The following RGS21 variants were observed in gnomAD, a reference collection of about 807,000 sequenced individuals.
RGS21 encodes regulator of G-protein signalling 21.
Under a neutral mutation model 18.7 loss-of-function variants are expected in RGS21, and 19 were observed. The observed-to-expected ratio is 1.01, with a 90% confidence interval of 0.71 to 1.49. The LOEUF (loss-of-function observed/expected upper bound fraction) is 1.49. Ranked by LOEUF, RGS21 falls within the 40% of genes most tolerant of loss-of-function variation. RGS21 has a pLI of 0.00. For missense variants in RGS21, 194 were observed against 176.8 expected, an observed-to-expected ratio of 1.10 and a Z score of -0.55; for synonymous variants, 56 against 57.8, an observed-to-expected ratio of 0.97 and a Z score of 0.14.
intron 4 of RGS21, among the ~76,000 whole-genome samples, chr1:192,354,921 C>T: frequency 6.6e-6 from 1 of 151,642 alleles, no homozygotes; most frequent in East Asian, 1.9e-4. Flanking sequence ...TAAATTATCC[C>T]TGACTATAAA....
At chr1:192,332,460 T>A (rs908620875) in intron 1 of RGS21, among the ~76,000 whole-genome samples, 1 of 152,184 alleles carries the variant, frequency 6.6e-6, no homozygotes, top group African/African-American at 2.4e-5. Flanking sequence ...ACTTAAAAAA[T>A]TAGTTTTAAA....
At chr1:192,349,586 A>G (rs534027375) in intron 3 of RGS21, among the ~76,000 whole-genome samples, 126 of 152,292 alleles carry the variant, frequency 8.3e-4, no homozygotes, top group Non-Finnish European at 1.4e-3. Flanking sequence ...TATGTAGCAT[A>G]TTACTTTAAA....
At chr1:192,328,669 C>A (rs1296837916) in intron 1 of RGS21, among the ~76,000 whole-genome samples, 1 of 152,090 alleles carries the variant, frequency 6.6e-6, no homozygotes, top group Non-Finnish European at 1.5e-5. Flanking sequence ...TATCAAAATA[C>A]ACATTCTGCT....
Position 192,352,150 on chromosome 1 carries a change from C to CAAA in RGS21, c.194_196dup (p.Lys65dup). The CAAA allele has an allele frequency of 6.2e-7, 1 of 1,611,212 alleles. No individual in the cohort carries two copies. The highest frequency in any genetic ancestry group is 8.5e-7 in the Non-Finnish European group (1 of 1,178,640). On this transcript the variant is annotated inframe_insertion, in exon 4 of 5. Coordinates refer to ENST00000417209, the MANE Select transcript of RGS21 (RefSeq NM_001039152.3). ...ACTTTAAGAAAACGAAAAATGCAGA[C>CAAA]AAAATTGCTTCCAAAGCCAAGATGA...
chr1:192,352,343 TC>T (rs1467459752), intron 4 of RGS21, 130 bp downstream of exon 4: 1 of 587,136 alleles, frequency 1.7e-6, no homozygotes, highest in Non-Finnish European at 2.7e-6. Flanking sequence ...GTCAGTAGAT[TC>T]CAAGAGAAAT....
intron 3 of RGS21, 107 bp downstream of exon 3, chr1:192,347,496 T>C: frequency 1.7e-6 from 1 of 578,140 alleles, no homozygotes; most frequent in Non-Finnish European, 3.1e-6. Flanking sequence ...CAATGAAGTA[T>C]AAAATTATTA....
intron 1 of RGS21, among the ~76,000 whole-genome samples, chr1:192,334,352 C>G (rs555351258): frequency 6.6e-6 from 1 of 152,204 alleles, no homozygotes; most frequent in Non-Finnish European, 1.5e-5. Context: ...AGATCAAATA[C>G]AGTTTATGAA....
At chr1:192,348,431 T>G (rs773944431) in intron 3 of RGS21, among the ~76,000 whole-genome samples, 1 of 152,236 alleles carries the variant, frequency 6.6e-6, no homozygotes, top group Non-Finnish European at 1.5e-5. Context: ...TCACATGTAC[T>G]GTTGGTCAAA....
intron 2 of RGS21, among the ~76,000 whole-genome samples, chr1:192,345,913 C>G (rs1295323627): frequency 1.3e-5 from 2 of 151,846 alleles, no homozygotes; most frequent in Admixed American, 6.6e-5. Context: ...CACAAAATAT[C>G]TTCAATGTAA....
At chr1:192,323,297 C>T (rs76359550) in intron 1 of RGS21, among the ~76,000 whole-genome samples, 26 of 152,098 alleles carry the variant, frequency 1.7e-4, no homozygotes, top group Non-Finnish European at 3.4e-4. Flanking sequence ...GCTCAGGCAA[C>T]TACATAATCT....
intron 2 of RGS21, among the ~76,000 whole-genome samples, chr1:192,344,347 C>G (rs1041648690): frequency 6.6e-6 from 1 of 152,052 alleles, no homozygotes; most frequent in African/African-American, 2.4e-5. Context: ...TGGGTTAAAG[C>G]AGACAAACTT....
intron 1 of RGS21, among the ~76,000 whole-genome samples, chr1:192,330,065 G>GT (rs1453048694): frequency 5.9e-5 from 9 of 152,094 alleles, no homozygotes; most frequent in Non-Finnish European, 1.3e-4. Flanking sequence ...TATATATGAG[G>GT]TAATAGGTGT....
At chr1:192,347,233 A>T in intron 2 of RGS21, 80 bp from the exon 3 acceptor site, 1 of 843,908 alleles carries the variant, frequency 1.2e-6, no homozygotes, top group South Asian at 1.6e-5. Flanking sequence ...CATTTGAATG[A>T]TGTAACTCAA....
chr1:192,327,724 C>G (rs548071796), intron 1 of RGS21, among the ~76,000 whole-genome samples: 8 of 152,208 alleles, frequency 5.3e-5, no homozygotes, highest in African/African-American at 1.4e-4. Flanking sequence ...CCACCCACCT[C>G]AGCCTTCCAA....
chr1:192,324,184 G>A (rs542947643), intron 1 of RGS21, among the ~76,000 whole-genome samples: 1 of 152,084 alleles, frequency 6.6e-6, no homozygotes, highest in South Asian at 2.1e-4. Flanking sequence ...AAATATTAAA[G>A]GATCAATGGG....
chr1:192,360,866 C>T (rs1659178802), intron 4 of RGS21, among the ~76,000 whole-genome samples: 1 of 152,078 alleles, frequency 6.6e-6, no homozygotes, highest in Non-Finnish European at 1.5e-5. Context: ...GAAAGCTTTT[C>T]CTTAGGGACG....
chr1:192,342,673 G>T (rs1658889252), intron 1 of RGS21, among the ~76,000 whole-genome samples: 1 of 151,590 alleles, frequency 6.6e-6, no homozygotes, highest in Non-Finnish European at 1.5e-5. Flanking sequence ...TTTATAATAT[G>T]TATATCATTA....
chr1:192,317,385 G>A (rs955198654), intron 1 of RGS21, among the ~76,000 whole-genome samples: 4 of 151,498 alleles, frequency 2.6e-5, no homozygotes, highest in African/African-American at 9.7e-5. Flanking sequence ...CACGGGAGGG[G>A]AGAGAAAAAG....
At chr1:192,338,415 AT>A (rs983247954) in intron 1 of RGS21, among the ~76,000 whole-genome samples, 1 of 152,162 alleles carries the variant, frequency 6.6e-6, no homozygotes, top group African/African-American at 2.4e-5. Context: ...TTGTAAAAAA[AT>A]AATTAATCTT....
Sources: gnomAD v4.1 joint callset for allele counts (sites outside exome capture counted in the v4.1 genomes callset) on GRCh38, gnomAD v4.1.1 for gene constraint, MANE v1.5 for transcripts, NCBI Gene and HGNC (gene_info 2026-07-23, HGNC 2026-07-21) for gene names.